The following PPM1D variants were observed in gnomAD, a reference collection of about 807,000 sequenced individuals.
The protein encoded by PPM1D is protein phosphatase 1D.
In PPM1D, 52 loss-of-function variants were observed where a neutral mutation model predicts 58.3. That is an observed-to-expected ratio of 0.89 (90% CI 0.71 to 1.12). PPM1D has a LOEUF of 1.12. Among genes scored for constraint, PPM1D ranks in the 50% most tolerant of loss-of-function variants. The probability of loss-of-function intolerance (pLI) is 0.00; values close to 1 mark genes in which losing one functional copy is unlikely to be tolerated. For synonymous variants in PPM1D, 278 were observed against 285.1 expected (o/e 0.98, Z 0.25); for missense variants, 564 against 777.2 (o/e 0.73, Z 3.26).
chr17:60,646,140 A>G (rs1324446832), intron 3 of PPM1D, among the ~76,000 whole-genome samples: 1 of 152,008 alleles, frequency 6.6e-6, no homozygotes, highest in East Asian at 1.9e-4. Context: ...TCAACCAGGG[A>G]GCTTTGTTTT....
At chr17:60,651,290 A>G (rs1313937551) in intron 4 of PPM1D, among the ~76,000 whole-genome samples, 2 of 152,118 alleles carry the variant, frequency 1.3e-5, no homozygotes, top group African/African-American at 2.4e-5. Context: ...CATGAATTAG[A>G]GATTAATGCT....
chr17:60,660,059 G>A (rs564239854), intron 5 of PPM1D, among the ~76,000 whole-genome samples: 80 of 152,302 alleles, frequency 5.3e-4, no homozygotes, highest in African/African-American at 1.9e-3. Context: ...AAATTAGCTG[G>A]GTGTGGTGAC....
chr17:60,643,872 T>G (rs1013633451), intron 3 of PPM1D, among the ~76,000 whole-genome samples: 1 of 99,408 alleles, frequency 1.0e-5, no homozygotes, highest in African/African-American at 3.3e-5. Flanking sequence ...GCAATAGAAC[T>G]CTTTTCTTTT....
chr17:60,645,022 CCTT>C (rs1567974334), intron 3 of PPM1D, among the ~76,000 whole-genome samples: 1 of 152,006 alleles, frequency 6.6e-6, no homozygotes, highest in South Asian at 2.1e-4. Flanking sequence ...AGAAACAATC[CCTT>C]CTTCTGAAAA....
chr17:60,624,939 A>C (rs2030776734), intron 2 of PPM1D, among the ~76,000 whole-genome samples: 1 of 152,144 alleles, frequency 6.6e-6, no homozygotes, highest in Non-Finnish European at 1.5e-5. Context: ...CAGGAGTTCG[A>C]GACCAGCTTG....
chr17:60,600,341 C>T lies in PPM1D; in HGVS notation c.-74C>T, dbSNP rs937071637. The stretch of plus-strand genomic sequence containing the variant: ...TCGAAGATAAACAATAGTTGGCCGG[C>T]GAGCGCCTAGTGTGTCTCCCGCCGC... On this transcript the variant is annotated 5_prime_UTR_variant, in exon 1 of 6. Transcript: ENST00000305921. 1.3e-6 allele frequency: 2 copies of T among 1,511,856 alleles called. No homozygotes were observed. Among genetic ancestry groups the T allele is most frequent in the Non-Finnish European group, 1.8e-6 (2 of 1,133,670 alleles). The allele number at this position is 1,511,856 out of a possible 1,614,324, so 93.7% of individuals were successfully genotyped here. A position where few individuals can be genotyped will look rare whatever the true frequency, so the allele number is the denominator to read the frequency against.
Position 60,640,552 on chromosome 17 carries a change from T to C in PPM1D, c.826+6575T>C, listed in dbSNP as rs58839867. On this transcript the variant is annotated intron_variant, in intron 3 of 5. Coordinates refer to ENST00000305921, the MANE Select transcript of PPM1D (RefSeq NM_003620.4). ...GTTTGTTTGTTTTTGTAATTTCAGC[T>C]TTTAGATTCAGGAAGTACATGTACA... 0.013 allele frequency among the ~76,000 whole-genome samples: 2,008 copies of C among 152,282 alleles called. 149 individuals are homozygous for C. The East Asian group carries it at 0.21, about 16-fold the overall frequency.
chr17:60,607,508 T>C (rs989995518), intron 1 of PPM1D, among the ~76,000 whole-genome samples: 13 of 152,068 alleles, frequency 8.5e-5, no homozygotes, highest in Non-Finnish European at 1.5e-5. Context: ...TCCATGTTGG[T>C]CAGGCTGGTC....
chr17:60,638,613 C>T (rs2031071284), intron 3 of PPM1D, among the ~76,000 whole-genome samples: 1 of 152,132 alleles, frequency 6.6e-6, no homozygotes, highest in Non-Finnish European at 1.5e-5. Flanking sequence ...AGTTGATCCG[C>T]CCACCTCTGC....
intron 1 of PPM1D, among the ~76,000 whole-genome samples, chr17:60,601,512 A>G (rs1244430534): frequency 6.6e-6 from 1 of 152,218 alleles, no homozygotes; most frequent in South Asian, 2.1e-4. Flanking sequence ...TATGAAAACT[A>G]AAAACGCGGA....
intron 1 of PPM1D, among the ~76,000 whole-genome samples, chr17:60,622,825 G>A (rs1053640607): frequency 6.6e-6 from 1 of 152,170 alleles, no homozygotes. Context: ...AGCCGAGTGC[G>A]GTGGCTCATG....
At chr17:60,611,294 T>A (rs2030448849) in intron 1 of PPM1D, among the ~76,000 whole-genome samples, 1 of 152,206 alleles carries the variant, frequency 6.6e-6, no homozygotes, top group Non-Finnish European at 1.5e-5. Context: ...GTGCTGACAT[T>A]ATAGGTGTAA....
rs540157777 is a variant in PPM1D, at chr17:60,657,059, A to G, written c.1260+218A>G. 25 of 1,449,864 alleles carry G rather than the reference A, an allele frequency of 1.7e-5. No individual in the cohort carries two copies. The East Asian group carries it at 4.7e-4, about 27-fold the overall frequency. The allele number at this position is 1,449,864 out of a possible 1,614,324, so 89.8% of individuals were successfully genotyped here. On this transcript the variant is annotated intron_variant, in intron 5 of 5. Transcript: ENST00000305921. Reference sequence around the variant, plus strand: ...AATAAAAAGGTGATTGTGGGCCCTTAAGAATATTATTGTTTGCCATCTAAT... The same window carrying G: ...AATAAAAAGGTGATTGTGGGCCCTTGAGAATATTATTGTTTGCCATCTAAT...
chr17:60,630,851 C>G (rs561331050), intron 2 of PPM1D, among the ~76,000 whole-genome samples: 10 of 152,142 alleles, frequency 6.6e-5, no homozygotes, highest in Non-Finnish European at 1.3e-4. Flanking sequence ...AATAATAGAG[C>G]TTTAAGATGG....
At chr17:60,645,524 A>ATATATATG (rs765126501) in intron 3 of PPM1D, among the ~76,000 whole-genome samples, 2 of 114,424 alleles carry the variant, frequency 1.7e-5, no homozygotes, top group African/African-American at 1.3e-4. Context: ...ATATATATGT[A>ATATATATG]TATATATATG....
chr17:60,660,057 T>C (rs1231659547), intron 5 of PPM1D, among the ~76,000 whole-genome samples: 1 of 152,104 alleles, frequency 6.6e-6, no homozygotes, highest in Non-Finnish European at 1.5e-5. Context: ...AAAAATTAGC[T>C]GGGTGTGGTG....
chr17:60,629,345 C>T (rs898658298), intron 2 of PPM1D, among the ~76,000 whole-genome samples: 1 of 152,218 alleles, frequency 6.6e-6, no homozygotes, highest in African/African-American at 2.4e-5. Context: ...AAGCTAGACC[C>T]TGTCGTCTTG....
chr17:60,620,039 C>T (rs971057269), intron 1 of PPM1D, among the ~76,000 whole-genome samples: 1 of 151,816 alleles, frequency 6.6e-6, no homozygotes, highest in Non-Finnish European at 1.5e-5. Context: ...CGCCCTGTCG[C>T]CCAGGCTGGA....
chr17:60,619,766 A>C (rs1368164278), intron 1 of PPM1D, among the ~76,000 whole-genome samples: 1 of 151,926 alleles, frequency 6.6e-6, no homozygotes, highest in Non-Finnish European at 1.5e-5. Flanking sequence ...ATGCCCGGCT[A>C]ATTTTTAAAT....
Sources: gnomAD v4.1 joint callset for allele counts (sites outside exome capture counted in the v4.1 genomes callset) on GRCh38, gnomAD v4.1.1 for gene constraint, MANE v1.5 for transcripts, NCBI Gene and HGNC (gene_info 2026-07-23, HGNC 2026-07-21) for gene names.